DBX2: variants seen among roughly 807,000 people sequenced by gnomAD.
DBX2 encodes the protein homeobox protein DBX2.
A neutral mutation model predicts 17.7 loss-of-function variants in DBX2; 16 were observed. That is an observed-to-expected ratio of 0.90 (90% confidence interval 0.61 to 1.37). The LOEUF (loss-of-function observed/expected upper bound fraction) is 1.37. Ranked by LOEUF, DBX2 falls within the 40% of genes most tolerant of loss-of-function variation. The pLI, the probability that DBX2 is intolerant of heterozygous loss-of-function variation, is 0.00. For synonymous variants in DBX2, 255 were observed against 183.8 expected (o/e 1.39, Z -3.13); for missense variants, 538 against 433.8 (o/e 1.24, Z -2.13).
At chr12:45,048,813 TGA>T (rs1276903182) in intron 1 of DBX2, among the ~76,000 whole-genome samples, 5 of 152,212 alleles carry the variant, frequency 3.3e-5, no homozygotes, top group Non-Finnish European at 7.4e-5. Context: ...ATATCTTCAA[TGA>T]GTGTTGAATA....
intron 2 of DBX2, among the ~76,000 whole-genome samples, chr12:45,033,616 C>A (rs1469800897): frequency 6.6e-6 from 1 of 152,026 alleles, no homozygotes; most frequent in Non-Finnish European, 1.5e-5. Context: ...GCTGTTAATA[C>A]AAATGAACAT....
In DBX2 at chr12:45,046,959, G is replaced by A. The variant is rs373913500; in HGVS notation, c.403+3566C>T. On this transcript the variant is annotated intron_variant, in intron 1 of 3. Coordinates refer to ENST00000332700, the MANE Select transcript of DBX2 (RefSeq NM_001004329.3). ...TCCAATCCTTTCATATGCAGCAGAA[G>A]AATAGATTTAATAAACAATAAAGGA... 6.6e-4 allele frequency among the ~76,000 whole-genome samples: 100 copies of A among 152,220 alleles called. 2 individuals are homozygous for A. The South Asian group carries it at 0.011, about 16-fold the overall frequency.
intron 2 of DBX2, among the ~76,000 whole-genome samples, chr12:45,024,243 C>CA (rs1390012498): frequency 6.6e-6 from 1 of 152,210 alleles, no homozygotes; most frequent in Non-Finnish European, 1.5e-5. Flanking sequence ...TTCCTGCTGC[C>CA]ATGTGAAGAA....
Position 45,016,560 on chromosome 12 carries a change from A to C in DBX2, c.746T>G (p.Val249Gly). 1 of 1,574,126 alleles carries C rather than the reference A, an allele frequency of 6.4e-7. No homozygotes were observed. Among genetic ancestry groups the C allele is most frequent in the Non-Finnish European group, 8.6e-7 (1 of 1,163,918 alleles). Residue 249 changes from valine to glycine, a missense_variant, in exon 4 of 4, where the codon GTG (valine) becomes GGG (glycine). Physicochemically the swap from Val to Gly is moderately radical, Grantham distance 109. Coordinates refer to ENST00000332700, the MANE Select transcript of DBX2 (RefSeq NM_001004329.3). ...TTCTTGGATACACCTGTTGGAAAGC[A>C]CTTCCTTTTCTTTGGAATTCCGCCA... ...MKWRNSKEKEVLSNRCIQEVG... is the reference protein window; with the variant it reads ...MKWRNSKEKEGLSNRCIQEVG...
chr12:45,020,497 A>G (rs1338120547), intron 3 of DBX2, among the ~76,000 whole-genome samples: 2 of 152,052 alleles, frequency 1.3e-5, no homozygotes, highest in Non-Finnish European at 2.9e-5. Context: ...AGAAGTTAGG[A>G]TAGAGGATAC....
At position 45,039,277 on chromosome 12, in the gene DBX2, GTATATATATATATATATA is replaced by G. The variant is rs58371508; in HGVS notation, c.404-3181_404-3164del. Among the ~76,000 whole-genome samples, 330 of 90,306 alleles carry G rather than the reference GTATATATATATATATATA, an allele frequency of 3.7e-3. 5 individuals are homozygous for G. The highest frequency in any genetic ancestry group is 9.4e-3 in the South Asian group (22 of 2,346). The allele number at this position is 90,306 out of a possible 152,430, so 59.2% of individuals were successfully genotyped here. On this transcript the variant is annotated intron_variant, in intron 1 of 3. Transcript: ENST00000332700. ...TTTAAAACAATGCACTGCATTGAAG[GTATATATATATATATATA>G]TATATATATATATATATATATATAT...
At chr12:45,044,479 A>G (rs779373070) in intron 1 of DBX2, among the ~76,000 whole-genome samples, 1 of 152,164 alleles carries the variant, frequency 6.6e-6, no homozygotes, top group Non-Finnish European at 1.5e-5. Context: ...GGAAATCTAT[A>G]TATTCTATTT....
rs149527014 is a variant in DBX2 at position 45,036,051 on chromosome 12, C to T, written c.467G>A (p.Cys156Tyr). Residue 156 changes from cysteine (C) to tyrosine (Y), a missense_variant, in exon 2 of 4, where the codon TGT (cysteine) becomes TAT (tyrosine). Coordinates refer to ENST00000332700, the MANE Select transcript of DBX2 (RefSeq NM_001004329.3). ...AGCAGTGGAGGATGCAGGGCGCCGACAGGACCCACCGCAGCACGCCGAGTA... is the reference window on the plus strand; with the variant it reads ...AGCAGTGGAGGATGCAGGGCGCCGATAGGACCCACCGCAGCACGCCGAGTA... Reference protein sequence around the residue: ...PFYSACCGGSCRRPASSTAFP... With the variant: ...PFYSACCGGSYRRPASSTAFP... 6.2e-6 allele frequency: 10 copies of T among 1,613,600 alleles called. No individual in the cohort carries two copies. In the South Asian group the frequency reaches 9.9e-5, roughly 16 times the overall value.
At chr12:45,028,624 C>A (rs1043602373) in intron 2 of DBX2, among the ~76,000 whole-genome samples, 1 of 152,114 alleles carries the variant, frequency 6.6e-6, no homozygotes, top group Admixed American at 6.5e-5. Context: ...ATAAATTATT[C>A]TCACCACTGT....
chr12:45,050,627 T>A lies in DBX2; in HGVS notation c.301A>T (p.Thr101Ser), dbSNP rs774894428. ...CTGAGCACTTGAAAAGCCCACCGCG[T>A]TCCGTAGGGCGCCCCGGCGGGGCTA... ...QVSPAGAPYG[T>S]RWAFQVLSPS... Residue 101 changes from threonine to serine, a missense_variant, in exon 1 of 4, where the codon ACG becomes TCG. Coordinates refer to ENST00000332700, the MANE Select transcript of DBX2 (RefSeq NM_001004329.3). The A allele has an allele frequency of 3.9e-6, 6 of 1,550,034 alleles. No homozygotes were observed. The Admixed American group carries it at 9.8e-5, about 25-fold the overall frequency.
intron 2 of DBX2, among the ~76,000 whole-genome samples, chr12:45,028,111 A>G (rs1946390998): frequency 6.6e-6 from 1 of 152,212 alleles, no homozygotes; most frequent in Non-Finnish European, 1.5e-5. Context: ...CAGAGGCATG[A>G]AGCCAGGTGA....
chr12:45,045,716 ATTTG>A (rs1291090561), intron 1 of DBX2, among the ~76,000 whole-genome samples: 4 of 151,928 alleles, frequency 2.6e-5, no homozygotes, highest in South Asian at 2.1e-4. Context: ...TTGTTTTTTT[ATTTG>A]TTTGTTTGTT....
chr12:45,027,938 G>A (rs1946390045), intron 2 of DBX2, among the ~76,000 whole-genome samples: 4 of 152,296 alleles, frequency 2.6e-5, no homozygotes, highest in Middle Eastern at 6.8e-3. Context: ...CAATACAGTG[G>A]GATGAGACTA....
intron 1 of DBX2, among the ~76,000 whole-genome samples, 157 bp downstream of exon 1, chr12:45,050,368 C>A (rs1346839161): frequency 1.3e-5 from 2 of 152,214 alleles, no homozygotes; most frequent in African/African-American, 4.8e-5. Flanking sequence ...GCCCCCTACT[C>A]CCGAAGTGGC....
chr12:45,023,851 GGAATTA>G lies in DBX2; in HGVS notation c.537_542del (p.Asn180_Ser181del), dbSNP rs753030715. 1 of 1,599,170 alleles carries G rather than the reference GGAATTA, an allele frequency of 6.3e-7. No homozygotes were observed. The highest frequency in any genetic ancestry group is 1.1e-5 in the South Asian group (1 of 87,932). On this transcript the variant is annotated inframe_deletion, in exon 3 of 4. Transcript: ENST00000332700. ...TTCTTAAAATGCCCCTCCGAGCTTT[GGAATTA>G]GAGTCCTGTGTCAGGAGAGGCAGCA... is the stretch of plus-strand genomic sequence containing the variant.
At chr12:45,039,942 G>C (rs544729807) in intron 1 of DBX2, among the ~76,000 whole-genome samples, 2 of 151,994 alleles carry the variant, frequency 1.3e-5, no homozygotes, top group Non-Finnish European at 2.9e-5. Flanking sequence ...ACAGCATGAC[G>C]TCAGGTTGTA....
At chr12:45,038,168 A>C (rs2137028306) in intron 1 of DBX2, among the ~76,000 whole-genome samples, 1 of 152,132 alleles carries the variant, frequency 6.6e-6, no homozygotes, top group South Asian at 2.1e-4. Context: ...CAGAAAGAAG[A>C]AATATAAAAG....
chr12:45,047,440 G>A (rs1946506178), intron 1 of DBX2, among the ~76,000 whole-genome samples: 1 of 151,918 alleles, frequency 6.6e-6, no homozygotes, highest in Non-Finnish European at 1.5e-5. Flanking sequence ...TTGATTTTTA[G>A]AGTTTTAAAA....
At position 45,050,775 on chromosome 12, in the gene DBX2, C is replaced by A. The variant is rs1046908271; in HGVS notation, c.153G>T (p.Thr51=). 7 of 1,514,650 alleles carry A rather than the reference C, an allele frequency of 4.6e-6. No individual in the cohort carries two copies. In the African/African-American group the frequency reaches 7.2e-5, roughly 16 times the overall value. The allele number at this position is 1,514,650 out of a possible 1,614,324, so 93.8% of individuals were successfully genotyped here. A position where few individuals can be genotyped will look rare whatever the true frequency, so the allele number is the denominator to read the frequency against. The change falls in exon 1 of 4, where the codon ACG becomes ACT. Residue 51 remains threonine, a synonymous_variant. Transcript: ENST00000332700. ...GGGGCGCGGGCGGCTGCAGCCTGGG[C>A]GTTGGGGCGCCCCCGACCCGCAGCA... ...ENLLRVGGAP[T]PRLQPPAPHD... is the part of the protein sequence containing the mutation.
Sources: allele counts gnomAD v4.1 joint callset (sites outside exome capture counted in the v4.1 genomes callset), GRCh38; gene constraint gnomAD v4.1.1; transcripts MANE v1.5; gene names NCBI Gene and HGNC (gene_info 2026-07-23, HGNC 2026-07-21).